The following NEK2 variants were observed in gnomAD, a reference collection of about 807,000 sequenced individuals.
NEK2 encodes the protein serine/threonine-protein kinase Nek2.
In NEK2, 28 loss-of-function variants were observed where a neutral mutation model predicts 54.1. The ratio of observed to expected loss-of-function variants is 0.52; its 90% confidence interval spans 0.38 to 0.71. NEK2 has a LOEUF of 0.71. NEK2 is among the 30% of genes least tolerant of loss of function. NEK2 has a pLI of 0.00. For missense variants in NEK2, 407 were observed against 531.5 expected (o/e 0.77, Z 2.30); for synonymous variants, 176 against 193.1 (o/e 0.91, Z 0.73).
At chr1:211,670,435 A>G in intron 4 of NEK2, 28 bp from the exon 5 acceptor site, 1 of 1,590,288 alleles carries the variant, frequency 6.3e-7, no homozygotes, top group Non-Finnish European at 8.5e-7. Flanking sequence ...GAAGAAGACG[A>G]CGAAGACATT....
chr1:211,675,366 G>A lies in NEK2; in HGVS notation c.96+18C>T, dbSNP rs1655547277. On this transcript the variant is annotated intron_variant, in intron 1 of 7. Transcript: ENST00000366999. Reference sequence around the variant, plus strand: ...GAAACCTAAGCAGGGGCAGGCGCAGGGTAGGTCCCACGCTCACCTTGCCAT... The same window carrying A: ...GAAACCTAAGCAGGGGCAGGCGCAGAGTAGGTCCCACGCTCACCTTGCCAT... 6.2e-7 allele frequency: 1 copy of A among 1,610,870 alleles called. No homozygotes were observed. Among genetic ancestry groups the A allele is most frequent in the Admixed American group, 1.7e-5 (1 of 59,942 alleles).
At chr1:211,665,418 C>T (rs1655145590) in intron 7 of NEK2, among the ~76,000 whole-genome samples, 2 of 152,204 alleles carry the variant, frequency 1.3e-5, no homozygotes, top group Admixed American at 6.5e-5. Flanking sequence ...AAGTAAAACA[C>T]ATCATCCTTA....
chr1:211,664,635 A>G (rs1303708729), intron 7 of NEK2, among the ~76,000 whole-genome samples: 3 of 152,212 alleles, frequency 2.0e-5, no homozygotes, highest in Non-Finnish European at 2.9e-5. Context: ...GAAATAGGAA[A>G]GGCTGGCACA....
chr1:211,669,083 T>A (rs368607887), intron 6 of NEK2, 30 bp downstream of exon 6: 2 of 1,585,662 alleles, frequency 1.3e-6, no homozygotes, highest in Admixed American at 1.7e-5. Context: ...TTGGTAGTTC[T>A]CCTTTGCTTT....
chr1:211,660,575 C>T, downstream of NEK2: 1 of 638,138 alleles, frequency 1.6e-6, no homozygotes, highest in Admixed American at 1.9e-5. Context: ...ATCTTCTTGG[C>T]ATTGGTGTGT....
At chr1:211,659,264 A>ATC (rs1654958655), downstream of NEK2, among the ~76,000 whole-genome samples, 1 of 152,216 alleles carries the variant, frequency 6.6e-6, no homozygotes, top group African/African-American at 2.4e-5. Context: ...AAAGTGTATT[A>ATC]CAGGACTGGA....
chr1:211,666,927 A>C, intron 7 of NEK2, 179 bp downstream of exon 7: 1 of 1,404,912 alleles, frequency 7.1e-7, no homozygotes, highest in Non-Finnish European at 9.2e-7. Context: ...GAACCCAGGA[A>C]ATAAATCATT....
At chr1:211,660,251 T>C (rs1654984920), downstream of NEK2, 5 of 386,754 alleles carry the variant, frequency 1.3e-5, no homozygotes, top group South Asian at 1.2e-4. Flanking sequence ...AGCAGGGGCA[T>C]TGCATACTGT....
intron 7 of NEK2, among the ~76,000 whole-genome samples, chr1:211,664,983 C>T (rs1033890863): frequency 6.6e-6 from 1 of 152,118 alleles, no homozygotes; most frequent in Non-Finnish European, 1.5e-5. Flanking sequence ...ACTATAGGTG[C>T]GTCACCACAC....
At chr1:211,673,396 A>ATGTT (rs1655461469) in intron 3 of NEK2, 87 bp downstream of exon 3, 1 of 1,529,548 alleles carries the variant, frequency 6.5e-7, no homozygotes, top group Non-Finnish European at 8.9e-7. Context: ...CCTGGGCAAC[A>ATGTT]GAGCGAGACT....
chr1:211,669,114 C>T lies in NEK2; in HGVS notation c.984G>A (p.Glu328=), dbSNP rs570875745. 6.2e-7 allele frequency: 1 copy of T among 1,613,670 alleles called. No homozygotes were observed. The highest frequency in any genetic ancestry group is 1.3e-5 in the African/African-American group (1 of 75,038). Residue 328 remains glutamate (E), a splice_region_variant and synonymous_variant, in exon 6 of 8, where the codon GAG becomes GAA. Transcript: ENST00000366999. ...RALKAREERL[E]QKEQELCVRE... is the part of the protein sequence containing the mutation. ...GCTTTGACCCCCATTCAGACTTACG[C>T]TCCAATCTTTCTTCTCTTGCTTTGA...
At chr1:211,658,761 A>G (rs1404840425), downstream of NEK2, 33 of 315,148 alleles carry the variant, frequency 1.0e-4, no homozygotes, top group African/African-American at 5.8e-4. Flanking sequence ...AAAGAAAAAA[A>G]AAGAAATAGG....
In NEK2 at chr1:211,663,353, C is replaced by A; in HGVS notation, c.*73G>T. On this transcript the variant is annotated 3_prime_UTR_variant, in exon 8 of 8. Coordinates refer to ENST00000366999, the MANE Select transcript of NEK2 (RefSeq NM_002497.4). Reference sequence around the variant, plus strand: ...TCATGGAACCAAGTATTCAACACTACAGCATTTGAATATCAGTCTTTAAAG... The same window carrying A: ...TCATGGAACCAAGTATTCAACACTAAAGCATTTGAATATCAGTCTTTAAAG... 6.5e-7 allele frequency: 1 copy of A among 1,538,266 alleles called. No homozygotes were observed. The highest frequency in any genetic ancestry group is 2.0e-5 in the Admixed American group (1 of 50,086).
rs1655510508 is a variant in NEK2 at position 211,674,419 on chromosome 1, T to A, written c.191A>T (p.His64Leu). The change falls in exon 2 of 8, where the codon CAT (histidine) becomes CTT (leucine). Residue 64 changes from histidine to leucine, a missense_variant. His to Leu is a moderately conservative substitution (Grantham distance 99). Coordinates refer to ENST00000366999, the MANE Select transcript of NEK2 (RefSeq NM_002497.4). ...SEVNLLRELK[H>L]PNIVRYYDRI... ...ATCATAGTAACGAACGATGTTTGGA[T>A]GTTTCAGTTCACGAAGCAAATTCAC... The A allele has an allele frequency of 1.2e-6, 2 of 1,614,036 alleles. No individual in the cohort carries two copies. Among genetic ancestry groups the A allele is most frequent in the South Asian group, 1.1e-5 (1 of 91,086 alleles).
rs746603282 is a variant in NEK2, at chr1:211,663,541, G to T, written c.1223C>A (p.Ser408Tyr). 4 of 1,613,908 alleles carry T rather than the reference G, an allele frequency of 2.5e-6. No individual in the cohort carries two copies. In the Admixed American group the frequency reaches 6.7e-5, roughly 27 times the overall value. ...ENSESQLTSK[S>Y]KCKDLKKRLH... ...CCTTTTCTTCAGGTCCTTGCACTTG[G>T]ACTTAGATGTGAGCTGACTCTCAGA... The change falls in exon 8 of 8, where the codon TCC (serine) becomes TAC (tyrosine). Residue 408 changes from serine to tyrosine, a missense_variant. Ser to Tyr is a moderately radical substitution (Grantham distance 144). Transcript: ENST00000366999.
At chr1:211,659,386 C>T (rs1654961926), downstream of NEK2, among the ~76,000 whole-genome samples, 1 of 152,186 alleles carries the variant, frequency 6.6e-6, no homozygotes, top group Non-Finnish European at 1.5e-5. Flanking sequence ...TCTTTTAGGG[C>T]ATGGCTCTAC....
At chr1:211,661,341 T>C, downstream of NEK2, 1 of 428,660 alleles carries the variant, frequency 2.3e-6, no homozygotes, top group Non-Finnish European at 4.4e-6. Context: ...TCCTGGCCTA[T>C]CTACTCATCT....
intron 7 of NEK2, among the ~76,000 whole-genome samples, chr1:211,666,206 G>A (rs1266681518): frequency 6.6e-6 from 1 of 152,150 alleles, no homozygotes; most frequent in Non-Finnish European, 1.5e-5. Context: ...CCACACAAAG[G>A]CAGGGCCCTG....
In NEK2 at chr1:211,675,411, C is replaced by T. The variant is rs759077928; in HGVS notation, c.69G>A (p.Gln23=). 1.2e-6 allele frequency: 2 copies of T among 1,613,942 alleles called. No homozygotes were observed. Among genetic ancestry groups the T allele is most frequent in the Non-Finnish European group, 8.5e-7 (1 of 1,179,814 alleles). ...TIGTGSYGRC[Q]KIRRKSDGKI... is the part of the protein sequence containing the mutation. Reference sequence around the variant, plus strand: ...TGCCATCACTCTTCCTCCGGATCTTCTGGCAGCGGCCGTAGGAGCCTGTGC... The same window carrying T: ...TGCCATCACTCTTCCTCCGGATCTTTTGGCAGCGGCCGTAGGAGCCTGTGC... Residue 23 remains glutamine (Q), a synonymous_variant, in exon 1 of 8, where the codon CAG becomes CAA. Coordinates refer to ENST00000366999, the MANE Select transcript of NEK2 (RefSeq NM_002497.4).
Sources: allele counts gnomAD v4.1 joint callset (sites outside exome capture counted in the v4.1 genomes callset), GRCh38; gene constraint gnomAD v4.1.1; transcripts MANE v1.5; gene names NCBI Gene and HGNC (gene_info 2026-07-23, HGNC 2026-07-21).